CRACDL: variants seen among roughly 807,000 people sequenced by gnomAD.
The protein encoded by CRACDL is CRACD like, also known as CRACD-like protein.
Under a neutral mutation model 70.6 loss-of-function variants are expected in CRACDL, and 26 were observed. The observed-to-expected ratio is 0.37, with a 90% confidence interval of 0.27 to 0.51. CRACDL has a LOEUF of 0.51. Among genes scored for constraint, CRACDL ranks in the 20% least tolerant of loss-of-function variants. CRACDL has a pLI of 0.94. For missense variants in CRACDL, 1,283 were observed against 1,376.9 expected, an observed-to-expected ratio of 0.93 and a Z score of 1.08; for synonymous variants, 618 against 615.2, an observed-to-expected ratio of 1.00 and a Z score of -0.07.
intron 7 of CRACDL, among the ~76,000 whole-genome samples, chr2:98,798,388 G>A (rs533418961): frequency 3.9e-4 from 54 of 139,336 alleles, no homozygotes; most frequent in African/African-American, 1.4e-3. Context: ...AGCTTGCAGT[G>A]AGCCGAGATC....
chr2:98,822,819 G>T lies in CRACDL; in HGVS notation c.1454C>A (p.Thr485Lys), dbSNP rs762221529. 1 of 1,392,938 alleles carries T rather than the reference G, an allele frequency of 7.2e-7. No homozygotes were observed. Among genetic ancestry groups the T allele is most frequent in the Non-Finnish European group, 9.3e-7 (1 of 1,078,704 alleles). The allele number at this position is 1,392,938 out of a possible 1,614,324, so 86.3% of individuals were successfully genotyped here. ...CGCCGGCGGGCTCGGGGCGGGCGCC[G>T]TGGAGGGCTCGGTCCCAATTCTCTC... ...EPERIGTEPS[T>K]APAPSPPAPK... is the part of the protein sequence containing the mutation. Residue 485 changes from threonine to lysine, a missense_variant, in exon 7 of 10, where the codon ACG becomes AAG. Physicochemically the swap from Thr to Lys is moderately conservative, Grantham distance 78 (BLOSUM62 -1). Coordinates refer to ENST00000397899, the MANE Select transcript of CRACDL (RefSeq NM_207362.3). The surrounding 1 kb of genome is among the most constrained non-coding windows in gnomAD (Gnocchi z 4.9).
chr2:98,857,410 G>C lies in CRACDL; in HGVS notation c.-10-10600C>G, dbSNP rs75913734. 2.8e-3 allele frequency among the ~76,000 whole-genome samples: 431 copies of C among 152,210 alleles called. 15 individuals carry two copies. In the East Asian group the frequency reaches 0.071, roughly 25 times the overall value. On this transcript the variant is annotated intron_variant, in intron 1 of 9. Transcript: ENST00000397899. ...AGATGTAATATGTACAACAATAATA[G>C]TACAACAAATAGAGCAGGGAATAAA...
intron 7 of CRACDL, among the ~76,000 whole-genome samples, chr2:98,802,567 G>A (rs1704123049): frequency 6.6e-6 from 1 of 151,958 alleles, no homozygotes; most frequent in Non-Finnish European, 1.5e-5. Context: ...GCCTACGTGG[G>A]ACAGATTCGT....
chr2:98,838,277 T>C lies in CRACDL; in HGVS notation c.81A>G (p.Lys27=), dbSNP rs755448084. The stretch of plus-strand genomic sequence containing the variant: ...ACTTCTTAAAAGTTTTGAATTTAGA[T>C]TTTTTCTTTCCTATACAGATTAGAG... ...GLGEDSTGKK[K]SKFKTFKKFF... The change falls in exon 3 of 10, where the codon AAA becomes AAG. Residue 27 remains lysine (K), a synonymous_variant. Transcript: ENST00000397899. The C allele has an allele frequency of 6.3e-7, 1 of 1,587,450 alleles. No individual in the cohort carries two copies.
At chr2:98,864,779 T>A (rs978786312) in intron 1 of CRACDL, among the ~76,000 whole-genome samples, 1 of 152,182 alleles carries the variant, frequency 6.6e-6, no homozygotes, top group Non-Finnish European at 1.5e-5. Flanking sequence ...ACTCCTGACC[T>A]CAGGTGATCC....
intron 1 of CRACDL, among the ~76,000 whole-genome samples, chr2:98,858,357 A>C (rs1706792271): frequency 6.6e-6 from 1 of 152,032 alleles, no homozygotes; most frequent in African/African-American, 2.4e-5. Flanking sequence ...TCCACCAAAA[A>C]TACAAAAATT....
intron 1 of CRACDL, among the ~76,000 whole-genome samples, chr2:98,898,095 T>C (rs964389928): frequency 6.6e-6 from 1 of 152,226 alleles, no homozygotes; most frequent in African/African-American, 2.4e-5. Context: ...AATCAAGAGT[T>C]AGTTATATTA....
At chr2:98,849,623 C>G (rs1706402526) in intron 1 of CRACDL, among the ~76,000 whole-genome samples, 1 of 151,682 alleles carries the variant, frequency 6.6e-6, no homozygotes, top group Non-Finnish European at 1.5e-5. Flanking sequence ...GTAGGTCCTT[C>G]CACCCTACTC....
chr2:98,837,224 AG>A (rs1484978896), intron 3 of CRACDL, among the ~76,000 whole-genome samples: 33 of 137,658 alleles, frequency 2.4e-4, no homozygotes, highest in Middle Eastern at 3.8e-3. Flanking sequence ...AAAAAAAAAA[AG>A]GTTCCAATCT....
At chr2:98,877,705 C>T (rs945209703) in intron 1 of CRACDL, among the ~76,000 whole-genome samples, 22 of 151,852 alleles carry the variant, frequency 1.4e-4, no homozygotes, top group East Asian at 3.9e-4. Context: ...GCTGAGGTCG[C>T]GCCACTGCAC....
At chr2:98,795,308 T>C (rs1412175975) in intron 9 of CRACDL, among the ~76,000 whole-genome samples, 1 of 151,800 alleles carries the variant, frequency 6.6e-6, no homozygotes, top group Non-Finnish European at 1.5e-5. Flanking sequence ...ACTCCTGACC[T>C]CAGGTGATCT....
intron 7 of CRACDL, among the ~76,000 whole-genome samples, chr2:98,807,341 C>G (rs952567809): frequency 2.0e-5 from 3 of 152,254 alleles, no homozygotes; most frequent in African/African-American, 7.2e-5. Flanking sequence ...AGTTACTCAG[C>G]CTTGGCACTG....
At position 98,794,572 on chromosome 2, in the gene CRACDL, T is replaced by C; in HGVS notation, c.2849A>G (p.Lys950Arg). The C allele has an allele frequency of 6.2e-7, 1 of 1,614,060 alleles. No homozygotes were observed. The highest frequency in any genetic ancestry group is 8.5e-7 in the Non-Finnish European group (1 of 1,179,932). The change falls in exon 10 of 10, where the codon AAA (lysine) becomes AGA (arginine). Residue 950 changes from lysine (K) to arginine (R), a missense_variant. Around this residue, in one of 2 missense-constraint regions of CRACDL, gnomAD observed 921 missense variants for 881.9 expected, o/e 1.04. Transcript: ENST00000397899. The stretch of plus-strand genomic sequence containing the variant: ...GGGCATGTCACTCCAAGCTTGAGAT[T>C]TCTTTCTGGCAAGTTCCATCCAGGA... ...QPSWMELARK[K>R]SQAWSDMPQI...
intron 1 of CRACDL, among the ~76,000 whole-genome samples, chr2:98,855,453 G>A (rs898111388): frequency 6.6e-6 from 1 of 152,034 alleles, no homozygotes; most frequent in African/African-American, 2.4e-5. Context: ...TGGTAAATCT[G>A]ACTAAAAATT....
chr2:98,891,236 G>T (rs1707965315), intron 1 of CRACDL, among the ~76,000 whole-genome samples: 1 of 151,634 alleles, frequency 6.6e-6, no homozygotes, highest in African/African-American at 2.4e-5. Flanking sequence ...AATTAGCCAG[G>T]CATGGTGGTG....
rs560309051 is a variant in CRACDL, at chr2:98,843,018, G to A, written c.70+3713C>T. ...GCCAAAATGTTTTTCCAAAGTGGCT[G>A]TGCCATTTTGCATTCCTCCCTTCAA... On this transcript the variant is annotated intron_variant, in intron 2 of 9. Transcript: ENST00000397899. Among the ~76,000 whole-genome samples the A allele has an allele frequency of 2.0e-5, 3 of 152,134 alleles. No homozygotes were observed. The South Asian group carries it at 6.2e-4, about 32-fold the overall frequency.
intron 5 of CRACDL, among the ~76,000 whole-genome samples, chr2:98,831,461 C>T (rs1166518308): frequency 6.6e-6 from 1 of 152,088 alleles, no homozygotes; most frequent in African/African-American, 2.4e-5. Flanking sequence ...AATGGCCCCT[C>T]GAGCAGGCCA....
intron 1 of CRACDL, among the ~76,000 whole-genome samples, chr2:98,922,748 G>A (rs1309810607): frequency 2.0e-5 from 3 of 152,210 alleles, no homozygotes; most frequent in South Asian, 2.1e-4. Flanking sequence ...GCAAGGGTCC[G>A]AGAGCTTCTT....
At chr2:98,873,732 G>T (rs117338610) in intron 1 of CRACDL, among the ~76,000 whole-genome samples, 1 of 152,242 alleles carries the variant, frequency 6.6e-6, no homozygotes, top group Non-Finnish European at 1.5e-5. Flanking sequence ...TTGGCTGGGC[G>T]TGGTGGCTCA....
Sources: gnomAD v4.1 joint callset for allele counts (sites outside exome capture counted in the v4.1 genomes callset) on GRCh38, gnomAD v4.1.1 for gene constraint, gnomAD v4.1.1 regional missense constraint, Gnocchi (gnomAD v3.1) non-coding constraint, MANE v1.5 for transcripts, NCBI Gene and HGNC (gene_info 2026-07-23, HGNC 2026-07-21) for gene names.